The following TRIO variants were observed in gnomAD, a reference collection of about 807,000 sequenced individuals.
The protein encoded by TRIO is triple functional domain protein.
A neutral mutation model predicts 351.9 loss-of-function variants in TRIO; 58 were observed. The ratio of observed to expected loss-of-function variants is 0.16; its 90% CI spans 0.13 to 0.21. The LOEUF is 0.21. TRIO is among the 10% of genes least tolerant of loss of function. TRIO has a pLI of 1.00. For synonymous variants in TRIO, 1,758 were observed against 1,595.7 expected (o/e 1.10, Z -2.42); for missense variants, 3,201 against 4,027.8 (o/e 0.79, Z 5.56).
At chr5:14,157,212 A>C (rs1183963534) in intron 1 of TRIO, among the ~76,000 whole-genome samples, 1 of 152,176 alleles carries the variant, frequency 6.6e-6, no homozygotes, top group East Asian at 1.9e-4. Flanking sequence ...CATTGACTAA[A>C]TATTTCTTCC....
chr5:14,313,751 A>G (rs570818945), intron 8 of TRIO, among the ~76,000 whole-genome samples: 90 of 152,226 alleles, frequency 5.9e-4, no homozygotes, highest in African/African-American at 1.1e-3. Flanking sequence ...AGCTCCAGCT[A>G]TCTCATTCAA....
chr5:14,243,859 A>G (rs1794276537), intron 1 of TRIO, among the ~76,000 whole-genome samples: 1 of 152,196 alleles, frequency 6.6e-6, no homozygotes. Context: ...GTATTTCTAG[A>G]AAAATAGCAA....
At chr5:14,224,656 G>T (rs245446) in intron 1 of TRIO, among the ~76,000 whole-genome samples, 1 of 131,382 alleles carries the variant, frequency 7.6e-6, no homozygotes, top group Non-Finnish European at 1.7e-5. Flanking sequence ...CTTTACAGAA[G>T]AGGCAAAGTG....
At chr5:14,245,634 C>T (rs993485011) in intron 1 of TRIO, among the ~76,000 whole-genome samples, 4 of 152,178 alleles carry the variant, frequency 2.6e-5, no homozygotes, top group African/African-American at 9.7e-5. Context: ...AGATCAGTGG[C>T]CTTTGCAATA....
At chr5:14,278,944 T>TA (rs1351087717) in intron 2 of TRIO, among the ~76,000 whole-genome samples, 6 of 152,368 alleles carry the variant, frequency 3.9e-5, no homozygotes, top group Admixed American at 1.3e-4. Flanking sequence ...GACCTAGCGA[T>TA]GACAGTGTTG....
intron 21 of TRIO, among the ~76,000 whole-genome samples, chr5:14,382,408 G>C (rs1179590840): frequency 1.3e-5 from 2 of 152,198 alleles, no homozygotes; most frequent in Non-Finnish European, 1.5e-5. Context: ...CGGCCCTGAG[G>C]TGCTGGGCTC....
At position 14,207,256 on chromosome 5, in the gene TRIO, G is replaced by A. The variant is rs184100447; in HGVS notation, c.157+63374G>A. Among the ~76,000 whole-genome samples the A allele has an allele frequency of 5.3e-3, 575 of 107,660 alleles. 10 individuals are homozygous for A. The highest frequency in any genetic ancestry group is 0.021 in the African/African-American group (538 of 26,008). The allele number at this position is 107,660 out of a possible 152,430, so 70.6% of individuals were successfully genotyped here. A position where few individuals can be genotyped will look rare whatever the true frequency, so the allele number is the denominator to read the frequency against. On this transcript the variant is annotated intron_variant, in intron 1 of 56. Coordinates refer to ENST00000344204, the MANE Select transcript of TRIO (RefSeq NM_007118.4). ...ACCAGCCTGGGCAACATAGCAAGAT[G>A]GTCTCTACACACACACACACACACA... is the stretch of plus-strand genomic sequence containing the variant.
chr5:14,449,852 C>T (rs527731161), intron 34 of TRIO, among the ~76,000 whole-genome samples: 1 of 152,280 alleles, frequency 6.6e-6, no homozygotes, highest in African/African-American at 2.4e-5. Flanking sequence ...AAGGATCTTA[C>T]CATCTGTTTT....
intron 10 of TRIO, among the ~76,000 whole-genome samples, chr5:14,335,522 C>A (rs1269199412): frequency 6.6e-6 from 1 of 152,188 alleles, no homozygotes; most frequent in African/African-American, 2.4e-5. Context: ...TCAGGGCTCT[C>A]GCATGCCTTC....
intron 21 of TRIO, among the ~76,000 whole-genome samples, chr5:14,385,554 C>T (rs1389304310): frequency 1.3e-5 from 2 of 152,218 alleles, no homozygotes; most frequent in East Asian, 1.9e-4. Context: ...GAGAAAAATA[C>T]TTATATACAT....
chr5:14,470,527 A>G (rs1162379756), intron 37 of TRIO, among the ~76,000 whole-genome samples: 2 of 152,244 alleles, frequency 1.3e-5, no homozygotes, highest in African/African-American at 2.4e-5. Flanking sequence ...ATTGAAAGCA[A>G]TCAGTCACCA....
intron 20 of TRIO, among the ~76,000 whole-genome samples, chr5:14,379,005 T>C (rs1426242233): frequency 1.3e-5 from 2 of 152,316 alleles, no homozygotes; most frequent in African/African-American, 4.8e-5. Flanking sequence ...ATTGTAAAAA[T>C]CTGACCCCGT....
At position 14,288,420 on chromosome 5, in the gene TRIO, G is replaced by A. The variant is rs369541942; in HGVS notation, c.540+1357G>A. 3.3e-5 allele frequency among the ~76,000 whole-genome samples: 5 copies of A among 152,272 alleles called. No individual in the cohort carries two copies. In the East Asian group the frequency reaches 9.7e-4, roughly 29 times the overall value. On this transcript the variant is annotated intron_variant, in intron 4 of 56. Transcript: ENST00000344204. The stretch of plus-strand genomic sequence containing the variant: ...GTGGTGGCTCACGCCTGTAATCCTA[G>A]CACTTTGGGAGGCCGAGGCGGGCGG...
At chr5:14,243,017 C>T (rs1483695409) in intron 1 of TRIO, among the ~76,000 whole-genome samples, 1 of 152,200 alleles carries the variant, frequency 6.6e-6, no homozygotes, top group Non-Finnish European at 1.5e-5. Flanking sequence ...GCCAGGGGGT[C>T]TCTTCTCTCA....
intron 34 of TRIO, among the ~76,000 whole-genome samples, chr5:14,449,388 A>C (rs1752675876): frequency 6.6e-6 from 1 of 152,128 alleles, no homozygotes; most frequent in African/African-American, 2.4e-5. Flanking sequence ...GGTGACATCG[A>C]CGCGGCCAGC....
chr5:14,488,367 G>GCCGC, intron 48 of TRIO, 107 bp downstream of exon 48: 4 of 1,443,692 alleles, frequency 2.8e-6, no homozygotes, highest in Non-Finnish European at 3.7e-6. Context: ...AGCGCTCTCC[G>GCCGC]CCGCCCGTTG....
chr5:14,165,216 C>G (rs1422987834), intron 1 of TRIO, among the ~76,000 whole-genome samples: 1 of 152,074 alleles, frequency 6.6e-6, no homozygotes, highest in African/African-American at 2.4e-5. Context: ...AATATGGATC[C>G]CGTCACCCAG....
intron 1 of TRIO, among the ~76,000 whole-genome samples, chr5:14,237,389 A>C (rs879835134): frequency 6.6e-6 from 1 of 152,206 alleles, no homozygotes; most frequent in Admixed American, 6.5e-5. Flanking sequence ...AGTGATGAAG[A>C]AATACAGGGG....
chr5:14,494,245 T>C (rs1388967371), intron 49 of TRIO, among the ~76,000 whole-genome samples: 1 of 152,228 alleles, frequency 6.6e-6, no homozygotes, highest in Non-Finnish European at 1.5e-5. Flanking sequence ...AGTATTATTT[T>C]ACTGAATTTG....
Sources: allele counts gnomAD v4.1 joint callset (sites outside exome capture counted in the v4.1 genomes callset), GRCh38; gene constraint gnomAD v4.1.1; transcripts MANE v1.5; gene names NCBI Gene and HGNC (gene_info 2026-07-23, HGNC 2026-07-21).